Variants in PLCL2 observed in about 807,000 individuals in gnomAD.
PLCL2 encodes the protein phospholipase C like 2.
PLCL2 carries 4 observed loss-of-function variants against 79.6 expected under a neutral mutation model. That is an observed-to-expected ratio of 0.05 (90% CI 0.02 to 0.11). The LOEUF is 0.11. Ranked by LOEUF, PLCL2 falls within the 10% of genes least tolerant of loss-of-function variation. PLCL2 has a pLI of 1.00. For missense variants in PLCL2, 895 were observed against 1,291.0 expected (o/e 0.69, Z 4.70); for synonymous variants, 484 against 457.7 (o/e 1.06, Z -0.73).
At chr3:16,898,792 A>G (rs1398539678) in intron 1 of PLCL2, among the ~76,000 whole-genome samples, 3 of 152,242 alleles carry the variant, frequency 2.0e-5, no homozygotes, top group African/African-American at 7.2e-5. Flanking sequence ...CACGGGATCT[A>G]TTAGTTATGT....
intron 1 of PLCL2, among the ~76,000 whole-genome samples, chr3:16,903,920 G>T (rs1468923630): frequency 6.6e-6 from 1 of 152,170 alleles, no homozygotes; most frequent in Non-Finnish European, 1.5e-5. Context: ...GAGCCCACTG[G>T]CATTCTTCAT....
intron 1 of PLCL2, among the ~76,000 whole-genome samples, chr3:16,981,718 C>T (rs1342673380): frequency 6.6e-6 from 1 of 152,232 alleles, no homozygotes. Flanking sequence ...GCTGTTTATA[C>T]AAGAACCATG....
At chr3:17,062,114 G>A (rs2064959216) in intron 4 of PLCL2, among the ~76,000 whole-genome samples, 1 of 152,116 alleles carries the variant, frequency 6.6e-6, no homozygotes, top group African/African-American at 2.4e-5. Flanking sequence ...GAGCAACTGA[G>A]GCTCAAAGAC....
intron 1 of PLCL2, among the ~76,000 whole-genome samples, chr3:16,937,889 A>G (rs925184049): frequency 6.6e-5 from 10 of 152,220 alleles, no homozygotes; most frequent in Admixed American, 6.5e-4. Context: ...TACTTGCATT[A>G]ATTTTGGATA....
intron 4 of PLCL2, among the ~76,000 whole-genome samples, chr3:17,050,207 CTG>C (rs1226826749): frequency 3.3e-5 from 5 of 152,152 alleles, no homozygotes; most frequent in Non-Finnish European, 7.4e-5. Context: ...TGACATCAAA[CTG>C]TGAAACTACT....
At chr3:16,967,363 C>T (rs183264185) in intron 1 of PLCL2, among the ~76,000 whole-genome samples, 1 of 152,084 alleles carries the variant, frequency 6.6e-6, no homozygotes, top group Non-Finnish European at 1.5e-5. Context: ...AATGGTTGAA[C>T]TAATTTACTT....
intron 1 of PLCL2, among the ~76,000 whole-genome samples, chr3:16,997,208 C>T (rs1345280830): frequency 6.6e-6 from 1 of 152,126 alleles, no homozygotes; most frequent in Non-Finnish European, 1.5e-5. Context: ...ATTGGTCCGG[C>T]CAGAGGCTAT....
intron 5 of PLCL2, among the ~76,000 whole-genome samples, chr3:17,085,368 G>A (rs2065207127): frequency 6.6e-6 from 1 of 151,954 alleles, no homozygotes; most frequent in Non-Finnish European, 1.5e-5. Context: ...AACTCCTGAG[G>A]CTCAAGCCTT....
intron 4 of PLCL2, among the ~76,000 whole-genome samples, chr3:17,054,469 A>G (rs1383295981): frequency 6.6e-6 from 1 of 152,096 alleles, no homozygotes; most frequent in East Asian, 1.9e-4. Context: ...CACATCTTCA[A>G]GCAATGCCCT....
At chr3:17,027,786 G>A (rs1184134961) in intron 3 of PLCL2, among the ~76,000 whole-genome samples, 1 of 152,094 alleles carries the variant, frequency 6.6e-6, no homozygotes, top group Non-Finnish European at 1.5e-5. Flanking sequence ...GCTGGAAAAA[G>A]CAATGAGCCT....
chr3:16,977,274 G>C (rs112524424), intron 1 of PLCL2, among the ~76,000 whole-genome samples: 118 of 152,216 alleles, frequency 7.8e-4, no homozygotes, highest in African/African-American at 2.6e-3. Flanking sequence ...ACATAGTCCT[G>C]TAAGTACTTA....
At chr3:16,911,252 C>CA (rs780366754) in intron 1 of PLCL2, among the ~76,000 whole-genome samples, 1,729 of 55,508 alleles carry the variant, frequency 0.031, 39 homozygotes, top group African/African-American at 0.086. Context: ...GACTCTGTCT[C>CA]AAAAAAAAAA....
In PLCL2 at chr3:16,902,364, A is replaced by G. The variant is rs189644283; in HGVS notation, c.327+16998A>G. Reference sequence around the variant, plus strand: ...ATGATCAGTTCTGATAGGGGCTGCTATTAAAATTAAACAATTGCGTGATTT... The same window carrying G: ...ATGATCAGTTCTGATAGGGGCTGCTGTTAAAATTAAACAATTGCGTGATTT... On this transcript the variant is annotated intron_variant, in intron 1 of 5. Transcript: ENST00000615277. Among the ~76,000 whole-genome samples the G allele has an allele frequency of 5.9e-5, 9 of 152,332 alleles. No homozygotes were observed. In the East Asian group the frequency reaches 1.7e-3, roughly 29 times the overall value.
At chr3:17,027,865 A>G (rs575262580) in intron 3 of PLCL2, among the ~76,000 whole-genome samples, 1 of 152,354 alleles carries the variant, frequency 6.6e-6, no homozygotes, top group East Asian at 1.9e-4. Context: ...AAAAGAGGAA[A>G]AAGCCAGTGG....
intron 1 of PLCL2, among the ~76,000 whole-genome samples, chr3:16,897,182 TGTC>T (rs1377702607): frequency 6.6e-6 from 1 of 151,996 alleles, no homozygotes; most frequent in Non-Finnish European, 1.5e-5. Context: ...GGATATAAAA[TGTC>T]AATGAAGGGG....
chr3:17,044,850 T>A (rs1223955174), intron 4 of PLCL2, among the ~76,000 whole-genome samples: 1 of 152,248 alleles, frequency 6.6e-6, no homozygotes, highest in Non-Finnish European at 1.5e-5. Context: ...TATGTTTGAT[T>A]TCAGTAAGGG....
In PLCL2 at chr3:16,885,198, G is replaced by T; in HGVS notation, c.159G>T (p.Gly53=). 1 of 620,914 alleles carries T rather than the reference G, an allele frequency of 1.6e-6. No homozygotes were observed. The allele number at this position is 620,914 out of a possible 1,614,324, so 38.5% of individuals were successfully genotyped here. ...GHGRARYDSG[G]VSNGDCSLGV... is the part of the protein sequence containing the mutation. Reference sequence around the variant, plus strand: ...GGCGGGCGCGCTATGACAGCGGCGGGGTTTCCAACGGAGACTGCAGCCTCG... The same window carrying T: ...GGCGGGCGCGCTATGACAGCGGCGGTGTTTCCAACGGAGACTGCAGCCTCG... The change falls in exon 1 of 6, where the codon GGG becomes GGT. Residue 53 remains glycine (G), a synonymous_variant. Transcript: ENST00000615277.
At chr3:16,955,720 G>A (rs2063698303) in intron 1 of PLCL2, among the ~76,000 whole-genome samples, 1 of 152,118 alleles carries the variant, frequency 6.6e-6, no homozygotes, top group African/African-American at 2.4e-5. Flanking sequence ...GTGGTTTGTA[G>A]TTCTCCTTGA....
chr3:16,998,798 C>A (rs1307040220), intron 1 of PLCL2, among the ~76,000 whole-genome samples: 1 of 152,098 alleles, frequency 6.6e-6, no homozygotes, highest in Non-Finnish European at 1.5e-5. Context: ...ATTAGAGATA[C>A]CCTTGTTTTA....
Sources: gnomAD v4.1 joint callset for allele counts (sites outside exome capture counted in the v4.1 genomes callset) on GRCh38, gnomAD v4.1.1 for gene constraint, MANE v1.5 for transcripts, NCBI Gene and HGNC (gene_info 2026-07-23, HGNC 2026-07-21) for gene names.